Variants in SHOC2 observed in about 807,000 individuals in gnomAD.
SHOC2 encodes the protein leucine-rich repeat protein SHOC-2.
SHOC2 carries 4 observed loss-of-function variants against 50.2 expected under a neutral mutation model. That is an observed-to-expected ratio of 0.08 (90% confidence interval 0.04 to 0.18). The LOEUF is 0.18. SHOC2 is among the 10% of genes least tolerant of loss of function. The pLI, the probability that SHOC2 is intolerant of heterozygous loss-of-function variation, is 1.00. For missense variants in SHOC2, 388 were observed against 669.6 expected, an observed-to-expected ratio of 0.58 and a Z score of 4.64; for synonymous variants, 218 against 244.5, an observed-to-expected ratio of 0.89 and a Z score of 1.01.
intron 6 of SHOC2, among the ~76,000 whole-genome samples, chr10:111,008,438 T>A (rs1327551): frequency 0.56 from 84,499 of 151,566 alleles, 25,950 homozygotes; most frequent in Non-Finnish European, 0.69. Context: ...CTGAGTGTAA[T>A]TATCTCTGTA....
At chr10:110,947,688 T>G (rs1191575382) in intron 1 of SHOC2, among the ~76,000 whole-genome samples, 1 of 149,690 alleles carries the variant, frequency 6.7e-6, no homozygotes, top group Admixed American at 6.7e-5. Context: ...CTATTATAAC[T>G]ACAAGATGTC....
At chr10:110,989,858 A>G (rs1848148610) in intron 3 of SHOC2, among the ~76,000 whole-genome samples, 1 of 152,156 alleles carries the variant, frequency 6.6e-6, no homozygotes, top group Non-Finnish European at 1.5e-5. Flanking sequence ...TCTGTTTGCC[A>G]TATATATTCA....
At chr10:110,976,161 C>T (rs903876075) in intron 2 of SHOC2, among the ~76,000 whole-genome samples, 7 of 152,130 alleles carry the variant, frequency 4.6e-5, no homozygotes, top group South Asian at 2.1e-4. Flanking sequence ...CCGCCTGCCT[C>T]GGCCTCTCAA....
intron 2 of SHOC2, among the ~76,000 whole-genome samples, chr10:110,971,560 T>A (rs1017940437): frequency 2.0e-5 from 3 of 152,146 alleles, no homozygotes; most frequent in African/African-American, 4.8e-5. Context: ...ACATGAACTT[T>A]AGGATTTTTT....
rs540520640 is a variant in SHOC2 at position 110,992,185 on chromosome 10, A to G, written c.841+6420A>G. On this transcript the variant is annotated intron_variant, in intron 3 of 8. Transcript: ENST00000369452. ...GTGATAATTACTGCCATTTACTTCCAGGCTGAGAAGCTAGTATCGCTGACA... is the reference window on the plus strand; with the variant it reads ...GTGATAATTACTGCCATTTACTTCCGGGCTGAGAAGCTAGTATCGCTGACA... 1.3e-4 allele frequency among the ~76,000 whole-genome samples: 20 copies of G among 152,246 alleles called. 1 individual carries two copies. The East Asian group carries it at 2.3e-3, about 18-fold the overall frequency.
At chr10:110,958,081 A>G (rs950381118) in intron 1 of SHOC2, among the ~76,000 whole-genome samples, 1 of 152,200 alleles carries the variant, frequency 6.6e-6, no homozygotes, top group Non-Finnish European at 1.5e-5. Context: ...TTCTGCCAGT[A>G]TGCTACATAT....
intron 1 of SHOC2, among the ~76,000 whole-genome samples, chr10:110,944,734 A>T (rs1467737475): frequency 1.3e-5 from 2 of 152,028 alleles, no homozygotes; most frequent in African/African-American, 4.8e-5. Context: ...AATTCTGCAA[A>T]CTCTATTTGA....
At chr10:110,941,008 T>A (rs1343450641) in intron 1 of SHOC2, among the ~76,000 whole-genome samples, 1 of 147,184 alleles carries the variant, frequency 6.8e-6, no homozygotes, top group East Asian at 2.1e-4. Flanking sequence ...CTCTACTCAC[T>A]GCAACCTCCA....
chr10:110,956,724 C>G (rs1418623629), intron 1 of SHOC2, among the ~76,000 whole-genome samples: 1 of 151,928 alleles, frequency 6.6e-6, no homozygotes, highest in African/African-American at 2.4e-5. Flanking sequence ...TTTAGATTGT[C>G]TGCCTCTGTT....
chr10:110,936,667 A>C, intron 1 of SHOC2: 1 of 969,266 alleles, frequency 1.0e-6, no homozygotes, highest in Admixed American at 2.1e-5. Context: ...TGTATTTGTC[A>C]GTTTTCTTCT....
chr10:110,971,326 A>G (rs1305013487), intron 2 of SHOC2, among the ~76,000 whole-genome samples: 1 of 152,062 alleles, frequency 6.6e-6, no homozygotes, highest in Non-Finnish European at 1.5e-5. Context: ...TCTTCAATGT[A>G]TATTGTTGGC....
chr10:110,972,227 ATATT>A (rs1212598133), intron 2 of SHOC2, among the ~76,000 whole-genome samples: 2 of 151,852 alleles, frequency 1.3e-5, no homozygotes, highest in Non-Finnish European at 2.9e-5. Flanking sequence ...CAGCATTATA[ATATT>A]TCAGTAATAT....
intron 4 of SHOC2, among the ~76,000 whole-genome samples, chr10:111,002,477 G>T (rs545501354): frequency 6.6e-6 from 1 of 152,144 alleles, no homozygotes; most frequent in Admixed American, 6.5e-5. Flanking sequence ...TTTAATGTAG[G>T]TGTATACATA....
chr10:110,986,508 C>G (rs1848079207), intron 3 of SHOC2, among the ~76,000 whole-genome samples: 1 of 152,066 alleles, frequency 6.6e-6, no homozygotes, highest in African/African-American at 2.4e-5. Context: ...GAGTTTCACT[C>G]TGCCTCTCAG....
At chr10:110,999,552 C>A (rs1848328874) in intron 3 of SHOC2, among the ~76,000 whole-genome samples, 1 of 151,852 alleles carries the variant, frequency 6.6e-6, no homozygotes, top group Non-Finnish European at 1.5e-5. Flanking sequence ...GCCTGGCCAA[C>A]ATGGTGAAAC....
chr10:111,009,497 C>A, intron 7 of SHOC2, 112 bp downstream of exon 7: 1 of 1,005,610 alleles, frequency 9.9e-7, no homozygotes, highest in Non-Finnish European at 1.5e-6. Flanking sequence ...CTTTCCTATT[C>A]TAGTATTAGG....
chr10:110,980,609 T>C (rs1443241519), intron 2 of SHOC2, among the ~76,000 whole-genome samples: 4 of 152,204 alleles, frequency 2.6e-5, no homozygotes, highest in African/African-American at 9.7e-5. Context: ...AAACAGACTT[T>C]TTAGAACAGT....
intron 1 of SHOC2, among the ~76,000 whole-genome samples, chr10:110,943,638 G>A (rs1231734418): frequency 6.6e-6 from 1 of 152,204 alleles, no homozygotes; most frequent in Non-Finnish European, 1.5e-5. Flanking sequence ...ACTCCAGGGC[G>A]TGATCAATAA....
chr10:110,933,116 A>G (rs1167770666), intron 1 of SHOC2, among the ~76,000 whole-genome samples: 2 of 152,256 alleles, frequency 1.3e-5, no homozygotes, highest in African/African-American at 2.4e-5. Flanking sequence ...TCTTTTATGC[A>G]TTCAGATTTT....
Sources: gnomAD v4.1 joint callset for allele counts (sites outside exome capture counted in the v4.1 genomes callset) on GRCh38, gnomAD v4.1.1 for gene constraint, MANE v1.5 for transcripts, NCBI Gene and HGNC (gene_info 2026-07-23, HGNC 2026-07-21) for gene names.